Variants in BRINP3 observed in about 807,000 individuals in gnomAD.
BRINP3 encodes BMP/retinoic acid inducible neural specific 3.
BRINP3 carries 19 observed loss-of-function variants against 71.0 expected under a neutral mutation model. The observed-to-expected ratio is 0.27, with a 90% CI of 0.19 to 0.39. BRINP3 has a LOEUF of 0.39. Among genes scored for constraint, BRINP3 ranks in the 10% least tolerant of loss-of-function variants. The probability of loss-of-function intolerance (pLI) is 1.00; values close to 1 mark genes in which losing one functional copy is unlikely to be tolerated. For synonymous variants in BRINP3, 380 were observed against 337.7 expected (o/e 1.13, Z -1.37); for missense variants, 959 against 940.8 (o/e 1.02, Z -0.25).
intron 2 of BRINP3, among the ~76,000 whole-genome samples, chr1:190,311,293 G>T (rs963036772): frequency 6.6e-6 from 1 of 151,582 alleles, no homozygotes; most frequent in East Asian, 1.9e-4. Flanking sequence ...TTTTATATAT[G>T]AGAAATATGA....
chr1:190,233,172 C>A (rs1487252665), intron 5 of BRINP3, among the ~76,000 whole-genome samples: 1 of 151,678 alleles, frequency 6.6e-6, no homozygotes, highest in East Asian at 1.9e-4. Flanking sequence ...GCTGGAGTAA[C>A]ATGATGTGCA....
intron 2 of BRINP3, among the ~76,000 whole-genome samples, chr1:190,306,118 G>C (rs947538772): frequency 2.6e-5 from 4 of 151,504 alleles, no homozygotes; most frequent in Non-Finnish European, 5.9e-5. Flanking sequence ...ATAATAATTT[G>C]TAATGCATCT....
intron 7 of BRINP3, among the ~76,000 whole-genome samples, chr1:190,142,687 A>G: frequency 6.6e-6 from 1 of 152,030 alleles, no homozygotes; most frequent in Admixed American, 6.6e-5. Context: ...TCAGAGTATA[A>G]CCTATCAGAA....
intron 2 of BRINP3, among the ~76,000 whole-genome samples, chr1:190,359,808 T>G (rs1427459179): frequency 2.0e-5 from 3 of 152,160 alleles, no homozygotes; most frequent in Non-Finnish European, 4.4e-5. Flanking sequence ...GTATAGTAGC[T>G]GTCAGTGAGT....
intron 2 of BRINP3, among the ~76,000 whole-genome samples, chr1:190,298,808 T>C (rs918889365): frequency 6.6e-5 from 10 of 152,150 alleles, no homozygotes; most frequent in African/African-American, 2.4e-4. Flanking sequence ...TATATATATA[T>C]ATTGACTAGA....
intron 2 of BRINP3, among the ~76,000 whole-genome samples, chr1:190,322,662 G>A (rs539855657): frequency 3.3e-5 from 5 of 152,150 alleles, no homozygotes; most frequent in African/African-American, 4.8e-5. Flanking sequence ...AAGCCAACAT[G>A]TCAATCTTCC....
chr1:190,251,669 T>A (rs1295257697), intron 4 of BRINP3, among the ~76,000 whole-genome samples: 3 of 152,002 alleles, frequency 2.0e-5, no homozygotes, highest in Admixed American at 2.0e-4. Flanking sequence ...AGCATGTATA[T>A]CTAATAATGA....
At chr1:190,269,809 T>C (rs965106165) in intron 3 of BRINP3, among the ~76,000 whole-genome samples, 7 of 152,050 alleles carry the variant, frequency 4.6e-5, no homozygotes, top group African/African-American at 1.2e-4. Flanking sequence ...GTTGGTGGGA[T>C]TGCAAAATGA....
At chr1:190,373,025 A>G (rs1394379971) in intron 2 of BRINP3, among the ~76,000 whole-genome samples, 1 of 152,198 alleles carries the variant, frequency 6.6e-6, no homozygotes, top group African/African-American at 2.4e-5. Context: ...AATATCCCCA[A>G]GACATTAAAT....
At chr1:190,454,558 T>C (rs1291771393) in intron 2 of BRINP3, 97 bp downstream of exon 2, 3 of 915,482 alleles carry the variant, frequency 3.3e-6, no homozygotes, top group Non-Finnish European at 3.3e-6. Flanking sequence ...CTTCTGATAA[T>C]ACCTTTTTCC....
chr1:190,457,333 A>G (rs1676063355), intron 1 of BRINP3, among the ~76,000 whole-genome samples: 1 of 152,138 alleles, frequency 6.6e-6, no homozygotes, highest in Non-Finnish European at 1.5e-5. Flanking sequence ...AATCCTGGCT[A>G]TTCTAGATGC....
At chr1:190,259,147 T>G (rs924700641) in intron 4 of BRINP3, among the ~76,000 whole-genome samples, 3 of 151,838 alleles carry the variant, frequency 2.0e-5, no homozygotes, top group African/African-American at 4.8e-5. Context: ...ATTCCTTTTA[T>G]GAGGCCAGTA....
intron 7 of BRINP3, among the ~76,000 whole-genome samples, chr1:190,114,702 G>A (rs1024244480): frequency 2.0e-5 from 3 of 152,050 alleles, no homozygotes; most frequent in South Asian, 4.2e-4. Flanking sequence ...ACAGTGGCCC[G>A]TAAGACCCTG....
At chr1:190,222,064 T>C (rs1309288954) in intron 6 of BRINP3, among the ~76,000 whole-genome samples, 13 of 152,010 alleles carry the variant, frequency 8.6e-5, no homozygotes, top group Non-Finnish European at 2.9e-5. Flanking sequence ...CTAGATCTAA[T>C]GGGCCCTAGA....
At chr1:190,270,566 C>T (rs199597955) in intron 3 of BRINP3, among the ~76,000 whole-genome samples, 6 of 151,506 alleles carry the variant, frequency 4.0e-5, no homozygotes, top group South Asian at 4.1e-4. Flanking sequence ...CATAGTAGTA[C>T]GGTTTTATGC....
intron 2 of BRINP3, among the ~76,000 whole-genome samples, chr1:190,286,131 T>A (rs1663408391): frequency 6.6e-6 from 1 of 152,138 alleles, no homozygotes; most frequent in African/African-American, 2.4e-5. Flanking sequence ...TGAAAATATT[T>A]TTGGGGATCA....
chr1:190,369,291 A>T (rs1669707141), intron 2 of BRINP3, among the ~76,000 whole-genome samples: 1 of 152,126 alleles, frequency 6.6e-6, no homozygotes, highest in African/African-American at 2.4e-5. Context: ...GTGATAATAT[A>T]TTATTCTCAT....
At position 190,128,806 on chromosome 1, in the gene BRINP3, A is replaced by T. The variant is rs953948009; in HGVS notation, c.1185-29672T>A. ...TGTCTGACATATGTGATGAAAAGGG[A>T]TATTGGATGTAACATATCTTAAATA... On this transcript the variant is annotated intron_variant, in intron 7 of 7. Transcript: ENST00000367462. Among the ~76,000 whole-genome samples the T allele has an allele frequency of 2.0e-5, 3 of 151,796 alleles. No individual in the cohort carries two copies. In the South Asian group the frequency reaches 6.2e-4, roughly 31 times the overall value.
At chr1:190,265,501 A>G (rs1257566629) in intron 3 of BRINP3, among the ~76,000 whole-genome samples, 2 of 150,596 alleles carry the variant, frequency 1.3e-5, no homozygotes, top group African/African-American at 4.9e-5. Context: ...GGAGATCGAG[A>G]CTATCCTGGC....
Sources: gnomAD v4.1 joint callset for allele counts (sites outside exome capture counted in the v4.1 genomes callset) on GRCh38, gnomAD v4.1.1 for gene constraint, MANE v1.5 for transcripts, NCBI Gene and HGNC (gene_info 2026-07-23, HGNC 2026-07-21) for gene names.